The following TDRD3 variants were observed in gnomAD, a reference collection of about 807,000 sequenced individuals.
The protein encoded by TDRD3 is tudor domain-containing protein 3.
A neutral mutation model predicts 86.7 loss-of-function variants in TDRD3; 45 were observed. The ratio of observed to expected loss-of-function variants is 0.52; its 90% CI spans 0.41 to 0.67. TDRD3 has a LOEUF of 0.67. Among genes scored for constraint, TDRD3 ranks in the 30% least tolerant of loss-of-function variants. The probability of loss-of-function intolerance (pLI) is 0.00; values close to 1 mark genes in which losing one functional copy is unlikely to be tolerated. For synonymous variants in TDRD3, 298 were observed against 301.7 expected, an observed-to-expected ratio of 0.99 and a Z score of 0.13; for missense variants, 814 against 889.0, an observed-to-expected ratio of 0.92 and a Z score of 1.07.
intron 6 of TDRD3, among the ~76,000 whole-genome samples, chr13:60,484,394 C>G (rs751632368): frequency 1.3e-5 from 2 of 152,128 alleles, no homozygotes; most frequent in Non-Finnish European, 2.9e-5. Flanking sequence ...CCTGATGATG[C>G]CATCAAAATT....
At chr13:60,418,914 T>G (rs1594908600) in intron 1 of TDRD3, among the ~76,000 whole-genome samples, 1 of 152,216 alleles carries the variant, frequency 6.6e-6, no homozygotes, top group Admixed American at 6.5e-5. Flanking sequence ...TATTGTTGAG[T>G]AGTAGTTCCT....
intron 2 of TDRD3, among the ~76,000 whole-genome samples, chr13:60,442,935 AT>A (rs1167399805): frequency 6.6e-6 from 1 of 152,032 alleles, no homozygotes; most frequent in Non-Finnish European, 1.5e-5. Flanking sequence ...ATTAAATTTC[AT>A]AATTATTGAT....
chr13:60,518,535 G>A (rs1957220011), intron 10 of TDRD3, among the ~76,000 whole-genome samples: 1 of 152,132 alleles, frequency 6.6e-6, no homozygotes, highest in African/African-American at 2.4e-5. Context: ...AAAAACTGGT[G>A]AGTGAAAAAC....
chr13:60,396,288 A>T (rs562492648), upstream of TDRD3, among the ~76,000 whole-genome samples: 3 of 152,320 alleles, frequency 2.0e-5, no homozygotes, highest in East Asian at 5.8e-4. Context: ...GGGACGCCGC[A>T]GAGGTGAAAG....
At chr13:60,566,963 T>C (rs1199025600) in intron 12 of TDRD3, among the ~76,000 whole-genome samples, 1 of 152,178 alleles carries the variant, frequency 6.6e-6, no homozygotes, top group Non-Finnish European at 1.5e-5. Context: ...TAAATTGTAT[T>C]CCTCCCCTAT....
intron 3 of TDRD3, among the ~76,000 whole-genome samples, chr13:60,453,142 T>C (rs1168016607): frequency 6.6e-6 from 1 of 152,148 alleles, no homozygotes; most frequent in African/African-American, 2.4e-5. Context: ...TTAAAATATA[T>C]AGCAAAAGCT....
intron 10 of TDRD3, among the ~76,000 whole-genome samples, chr13:60,526,825 G>T (rs1957448245): frequency 6.6e-6 from 1 of 151,712 alleles, no homozygotes; most frequent in African/African-American, 2.4e-5. Context: ...GGATTTTTTT[G>T]GACCACTTTG....
At chr13:60,529,260 G>A (rs1957527901) in intron 11 of TDRD3, 43 bp downstream of exon 11, 1 of 1,514,724 alleles carries the variant, frequency 6.6e-7, no homozygotes, top group Middle Eastern at 1.9e-4. Context: ...ATTACGAAAT[G>A]TAACATTCTA....
chr13:60,434,848 G>T (rs746713847), intron 1 of TDRD3, among the ~76,000 whole-genome samples: 39 of 152,114 alleles, frequency 2.6e-4, no homozygotes, highest in Admixed American at 2.0e-4. Context: ...CACCAGGTGG[G>T]TGTGCACAGG....
chr13:60,544,958 A>T (rs1595098181), intron 12 of TDRD3, among the ~76,000 whole-genome samples: 1 of 152,318 alleles, frequency 6.6e-6, no homozygotes, highest in African/African-American at 2.4e-5. Context: ...TATTTATTGA[A>T]TGATGGTATA....
rs1245472319 is a variant in TDRD3 at position 60,573,868 on chromosome 13, A to G, written c.*262A>G. On this transcript the variant is annotated 3_prime_UTR_variant, in exon 14 of 14. Coordinates refer to ENST00000377881, the MANE Select transcript of TDRD3 (RefSeq NM_001146070.2). ...CTGCCGTCAATAAAACCATTGTGCTATTATTGTTTTACTGTGTGTTTTATT... is the reference window on the plus strand; with the variant it reads ...CTGCCGTCAATAAAACCATTGTGCTGTTATTGTTTTACTGTGTGTTTTATT... The G allele has an allele frequency of 6.3e-6, 1 of 157,576 alleles. No homozygotes were observed. Among genetic ancestry groups the G allele is most frequent in the East Asian group, 1.9e-4 (1 of 5,224 alleles). 9.8% of individuals were successfully genotyped at this position (157,576 alleles called of 1,614,324 possible). A position where few individuals can be genotyped will look rare whatever the true frequency, so the allele number is the denominator to read the frequency against.
intron 8 of TDRD3, among the ~76,000 whole-genome samples, chr13:60,508,491 C>A (rs1956985307): frequency 6.6e-6 from 1 of 152,168 alleles, no homozygotes. Flanking sequence ...TGATCTTTGA[C>A]AAACCTGACA....
chr13:60,498,590 T>A (rs2137586340), intron 8 of TDRD3, among the ~76,000 whole-genome samples: 1 of 152,286 alleles, frequency 6.6e-6, no homozygotes, highest in East Asian at 1.9e-4. Flanking sequence ...ATTTGAATTA[T>A]GAAAGTAGAG....
intron 5 of TDRD3, among the ~76,000 whole-genome samples, chr13:60,474,368 G>T (rs1956139146): frequency 6.6e-6 from 1 of 152,148 alleles, no homozygotes; most frequent in Admixed American, 6.5e-5. Flanking sequence ...CTTGGTGGTA[G>T]TGGCCCCCCC....
chr13:60,422,573 G>T (rs1488847586), intron 1 of TDRD3, among the ~76,000 whole-genome samples: 1 of 152,038 alleles, frequency 6.6e-6, no homozygotes, highest in Non-Finnish European at 1.5e-5. Context: ...AAAGACAGAA[G>T]TGGACAATAA....
rs149286463 is a variant in TDRD3 at position 60,471,534 on chromosome 13, A to G, written c.495+4155A>G. Among the ~76,000 whole-genome samples, 521 of 144,320 alleles carry G rather than the reference A, an allele frequency of 3.6e-3. 4 individuals are homozygous for G. Among genetic ancestry groups the G allele is most frequent in the African/African-American group, 0.013 (487 of 38,830 alleles). The allele number at this position is 144,320 out of a possible 152,430, so 94.7% of individuals were successfully genotyped here. ...TATGAATTATAGGATAGATTTTTCT[A>G]TTTCTGCAAAAAAAAAAAATCATTG... On this transcript the variant is annotated intron_variant, in intron 5 of 13. Coordinates refer to ENST00000377881, the MANE Select transcript of TDRD3 (RefSeq NM_001146070.2).
chr13:60,408,382 C>T (rs985693565), intron 1 of TDRD3, among the ~76,000 whole-genome samples: 1 of 152,168 alleles, frequency 6.6e-6, no homozygotes, highest in Non-Finnish European at 1.5e-5. Flanking sequence ...AGCTTTAGAA[C>T]TGGGTAACAG....
intron 12 of TDRD3, chr13:60,536,197 A>G (rs1957694356): frequency 6.6e-6 from 1 of 152,086 alleles, no homozygotes; most frequent in South Asian, 2.1e-4. Context: ...CGGCAACAGA[A>G]AAACAAAAAA....
At chr13:60,415,257 TC>T (rs1954474255) in intron 1 of TDRD3, among the ~76,000 whole-genome samples, 1 of 152,132 alleles carries the variant, frequency 6.6e-6, no homozygotes, top group Admixed American at 6.5e-5. Context: ...AGATTTGTGT[TC>T]TGAAACTTTG....
Sources: gnomAD v4.1 joint callset for allele counts (sites outside exome capture counted in the v4.1 genomes callset) on GRCh38, gnomAD v4.1.1 for gene constraint, MANE v1.5 for transcripts, NCBI Gene and HGNC (gene_info 2026-07-23, HGNC 2026-07-21) for gene names.